Variants in GNG4 observed in about 807,000 individuals in gnomAD.
GNG4 encodes guanine nucleotide-binding protein G(I)/G(S)/G(O) subunit gamma-4.
Under a neutral mutation model 5.8 loss-of-function variants are expected in GNG4, and 4 were observed. The observed-to-expected ratio is 0.69, with a 90% CI of 0.34 to 1.57. The LOEUF (loss-of-function observed/expected upper bound fraction) is 1.57. Among genes scored for constraint, GNG4 ranks in the 40% most tolerant of loss-of-function variants. The pLI is 0.06. For missense variants in GNG4, 96 were observed against 95.1 expected (o/e 1.01, Z -0.04); for synonymous variants, 29 against 32.9 (o/e 0.88, Z 0.41).
rs114451461 is a variant in GNG4 at position 235,625,586 on chromosome 1, C to A, written c.-123+24076G>T. On this transcript the variant is annotated intron_variant, in intron 1 of 3. Coordinates refer to ENST00000391854, the MANE Select transcript of GNG4 (RefSeq NM_001098722.2). ...ACCTATTCAACCCTCCCCAACGCCA[C>A]ATTCAGAGCAGGAGGTGCCTCCACC... Among the ~76,000 whole-genome samples, 1,471 of 152,336 alleles carry A rather than the reference C, an allele frequency of 9.7e-3. 34 individuals carry two copies. The highest frequency in any genetic ancestry group is 0.033 in the African/African-American group (1,379 of 41,576).
At position 235,642,595 on chromosome 1, in the gene GNG4, G is replaced by A. The variant is rs1252501900; in HGVS notation, c.-123+7067C>T. On this transcript the variant is annotated intron_variant, in intron 1 of 3. Transcript: ENST00000391854. This position sits in a 1 kb window ranked among gnomAD's most constrained non-coding sequence, Gnocchi z 4.3. ...GTTGGCTGTGGTTTTGCAGAGGCGG[G>A]CAGGAGGGGCAGGGGGCCAGGGAGA... Among the ~76,000 whole-genome samples the A allele has an allele frequency of 2.0e-5, 3 of 152,118 alleles. No homozygotes were observed. The highest frequency in any genetic ancestry group is 6.5e-5 in the Admixed American group (1 of 15,272).
At chr1:235,605,919 G>T (rs1460625638) in intron 1 of GNG4, among the ~76,000 whole-genome samples, 1 of 146,400 alleles carries the variant, frequency 6.8e-6, no homozygotes, top group Non-Finnish European at 1.5e-5. Context: ...GAAGTAAAAA[G>T]ATTGCTGTTA....
chr1:235,576,671 G>A lies in GNG4; in HGVS notation c.99+7069C>T, dbSNP rs180856594. ...TCTTTGTTGGGAAATGCTTTGATGT[G>A]CTTCTAGGCAAGATGAAGAGTCACA... is the stretch of plus-strand genomic sequence containing the variant. On this transcript the variant is annotated intron_variant, in intron 3 of 3. Coordinates refer to ENST00000391854, the MANE Select transcript of GNG4 (RefSeq NM_001098722.2). Among the ~76,000 whole-genome samples, 127 of 152,270 alleles carry A rather than the reference G, an allele frequency of 8.3e-4. 1 individual carries two copies. The highest frequency in any genetic ancestry group is 1.4e-3 in the Non-Finnish European group (97 of 68,034).
At chr1:235,588,096 C>T (rs1483522214) in intron 2 of GNG4, among the ~76,000 whole-genome samples, 2 of 151,988 alleles carry the variant, frequency 1.3e-5, no homozygotes, top group African/African-American at 4.8e-5. Flanking sequence ...TCCCTCAGCC[C>T]TTCCTCATTC....
chr1:235,568,083 T>C lies in GNG4; in HGVS notation c.99+15657A>G, dbSNP rs868344422. On this transcript the variant is annotated intron_variant, in intron 3 of 3. Transcript: ENST00000391854. ...TAAAGCTTCCTTCCAGCCCCTGCCT[T>C]TTTGGAGACAGTCCCTTTTCTGCTG... Among the ~76,000 whole-genome samples the C allele has an allele frequency of 2.6e-5, 4 of 152,006 alleles. No individual in the cohort carries two copies. The South Asian group carries it at 8.3e-4, about 32-fold the overall frequency.
At chr1:235,650,343 G>T (rs1221507372), upstream of GNG4, among the ~76,000 whole-genome samples, 1 of 122,430 alleles carries the variant, frequency 8.2e-6, no homozygotes, top group Non-Finnish European at 1.8e-5. Flanking sequence ...TCACCGGAGG[G>T]GTCTGGGGCG....
intron 2 of GNG4, among the ~76,000 whole-genome samples, chr1:235,590,546 G>A (rs1407409490): frequency 3.3e-5 from 5 of 152,172 alleles, no homozygotes; most frequent in African/African-American, 4.8e-5. Flanking sequence ...ATGAAAAGCC[G>A]TCTTTCGGGA....
intron 3 of GNG4, among the ~76,000 whole-genome samples, chr1:235,572,444 C>T (rs1450727079): frequency 1.3e-5 from 2 of 152,082 alleles, no homozygotes; most frequent in East Asian, 3.9e-4. Flanking sequence ...AGGTGATCCA[C>T]CCACCTTGGC....
chr1:235,633,242 C>A (rs1401179493), intron 1 of GNG4, among the ~76,000 whole-genome samples: 1 of 152,172 alleles, frequency 6.6e-6, no homozygotes, highest in Non-Finnish European at 1.5e-5. Flanking sequence ...TGTCCCTGAG[C>A]AGCAGAGCTG....
chr1:235,589,502 C>T (rs1178569860), intron 2 of GNG4, among the ~76,000 whole-genome samples: 1 of 152,146 alleles, frequency 6.6e-6, no homozygotes, highest in African/African-American at 2.4e-5. Flanking sequence ...CTACATTTCA[C>T]CTGCTTATGG....
chr1:235,587,029 G>A (rs1277507757), intron 2 of GNG4, among the ~76,000 whole-genome samples: 1 of 151,910 alleles, frequency 6.6e-6, no homozygotes, highest in African/African-American at 2.4e-5. Flanking sequence ...GGGAGGAGGA[G>A]GTAGAGTTTG....
chr1:235,592,121 A>G (rs2102952375), intron 2 of GNG4, among the ~76,000 whole-genome samples: 1 of 152,254 alleles, frequency 6.6e-6, no homozygotes, highest in East Asian at 1.9e-4. Flanking sequence ...TTTTTCAGAA[A>G]CCCGGCCCCC....
chr1:235,617,920 A>C (rs150153193), intron 1 of GNG4, among the ~76,000 whole-genome samples: 314 of 151,992 alleles, frequency 2.1e-3, no homozygotes, highest in African/African-American at 7.1e-3. Context: ...AAAGAAAAGA[A>C]AAGACAAGAC....
At chr1:235,641,275 A>G (rs1411598033) in intron 1 of GNG4, among the ~76,000 whole-genome samples, 2 of 152,156 alleles carry the variant, frequency 1.3e-5, no homozygotes, top group African/African-American at 4.8e-5. Flanking sequence ...CTGTAGCCCC[A>G]GCTACTTAGG....
intron 2 of GNG4, among the ~76,000 whole-genome samples, chr1:235,588,546 C>T (rs901863725): frequency 2.6e-5 from 4 of 152,106 alleles, no homozygotes; most frequent in African/African-American, 9.7e-5. Flanking sequence ...ATGGACCCAA[C>T]TCCTCCCCTC....
At chr1:235,602,605 G>A (rs115104131) in intron 1 of GNG4, among the ~76,000 whole-genome samples, 70 of 152,316 alleles carry the variant, frequency 4.6e-4, no homozygotes, top group Non-Finnish European at 9.8e-4. Context: ...CCTTGAAAAT[G>A]CTTTTAAACC....
Position 235,558,186 on chromosome 1 carries a change from C to A in GNG4, c.100-5949G>T, listed in dbSNP as rs1487083257. On this transcript the variant is annotated intron_variant, in intron 3 of 3. Coordinates refer to ENST00000391854, the MANE Select transcript of GNG4 (RefSeq NM_001098722.2). ...TCAGTTTAAGCCCGAATGTGTGGAT[C>A]TGGGTTGGTTCCGTGAAACATTAAT... Among the ~76,000 whole-genome samples the A allele has an allele frequency of 1.3e-5, 2 of 152,162 alleles. 1 individual carries two copies. Among genetic ancestry groups the A allele is most frequent in the South Asian group, 4.2e-4 (2 of 4,812 alleles).
chr1:235,560,772 T>A (rs1687040509), intron 3 of GNG4, among the ~76,000 whole-genome samples: 1 of 152,226 alleles, frequency 6.6e-6, no homozygotes, highest in Non-Finnish European at 1.5e-5. Context: ...TGTTCTACTC[T>A]TTCATTTAAT....
At chr1:235,622,737 C>T (rs973900377) in intron 1 of GNG4, among the ~76,000 whole-genome samples, 1 of 151,856 alleles carries the variant, frequency 6.6e-6, no homozygotes, top group Non-Finnish European at 1.5e-5. Flanking sequence ...AAAAATTAGT[C>T]AGGTGTGGTG....
Sources: gnomAD v4.1 joint callset for allele counts (sites outside exome capture counted in the v4.1 genomes callset) on GRCh38, gnomAD v4.1.1 for gene constraint, Gnocchi (gnomAD v3.1) non-coding constraint, MANE v1.5 for transcripts, NCBI Gene and HGNC (gene_info 2026-07-23, HGNC 2026-07-21) for gene names.